Variants in WDR70 observed in about 807,000 individuals in gnomAD.
WDR70 encodes the protein WD repeat domain 70.
A neutral mutation model predicts 88.6 loss-of-function variants in WDR70; 53 were observed. The observed-to-expected ratio is 0.60, with a 90% CI of 0.48 to 0.75. The LOEUF (loss-of-function observed/expected upper bound fraction) is 0.75. WDR70 is among the 30% of genes least tolerant of loss of function. The pLI is 0.00. For synonymous variants in WDR70, 280 were observed against 270.0 expected, an observed-to-expected ratio of 1.04 and a Z score of -0.36; for missense variants, 610 against 823.2, an observed-to-expected ratio of 0.74 and a Z score of 3.17.
rs540991874 is a variant in WDR70, at chr5:37,564,573, G to T, written c.918-40491G>T. ...GGGAGACCGTGGGGAGAGGGAGAGG[G>T]AGAGGAGGGAGAGGGAGAGGAGGGA... On this transcript the variant is annotated intron_variant, in intron 9 of 17. Coordinates refer to ENST00000265107, the MANE Select transcript of WDR70 (RefSeq NM_018034.4). Among the ~76,000 whole-genome samples the T allele has an allele frequency of 1.3e-4, 19 of 147,758 alleles. No homozygotes were observed. In the South Asian group the frequency reaches 4.0e-3, roughly 31 times the overall value.
chr5:37,397,435 C>T lies in WDR70; in HGVS notation c.492+865C>T, dbSNP rs188101888. 9.5e-5 allele frequency among the ~76,000 whole-genome samples: 14 copies of T among 147,602 alleles called. No individual in the cohort carries two copies. In the East Asian group the frequency reaches 1.4e-3, roughly 15 times the overall value. ...AGTGAGCTGAGATTGTGCCATTGCA[C>T]GCCAGCCTGGGCAATAAGAGCAAAA... On this transcript the variant is annotated intron_variant, in intron 5 of 17. Coordinates refer to ENST00000265107, the MANE Select transcript of WDR70 (RefSeq NM_018034.4).
At chr5:37,691,509 G>T (rs1746792828) in intron 10 of WDR70, among the ~76,000 whole-genome samples, 2 of 152,192 alleles carry the variant, frequency 1.3e-5, no homozygotes, top group African/African-American at 4.8e-5. Flanking sequence ...ACAACAAACT[G>T]TCTCTCAGAC....
intron 8 of WDR70, among the ~76,000 whole-genome samples, chr5:37,488,266 A>G (rs1444937976): frequency 6.6e-6 from 1 of 151,708 alleles, no homozygotes; most frequent in Non-Finnish European, 1.5e-5. Context: ...TCTGACTATA[A>G]TGTGCCACTA....
intron 10 of WDR70, among the ~76,000 whole-genome samples, chr5:37,658,019 TA>T (rs1398950504): frequency 6.6e-6 from 1 of 152,136 alleles, no homozygotes; most frequent in African/African-American, 2.4e-5. Context: ...CTTCTTACAG[TA>T]AAGTAAGCTA....
chr5:37,727,776 C>G (rs1032266186), intron 17 of WDR70, among the ~76,000 whole-genome samples: 1 of 152,056 alleles, frequency 6.6e-6, no homozygotes, highest in Non-Finnish European at 1.5e-5. Context: ...GTGTCTCACT[C>G]TGTTGCCCAG....
Position 37,753,273 on chromosome 5 carries a change from T to C in WDR70, c.*700T>C, listed in dbSNP as rs1293300499. The stretch of plus-strand genomic sequence containing the variant: ...GGGACATGCCTCACAGAGCATTTAG[T>C]ACAGTACCTGGAACACAGTAAATGT... On this transcript the variant is annotated 3_prime_UTR_variant, in exon 18 of 18. Transcript: ENST00000265107. The C allele has an allele frequency of 3.9e-5, 6 of 152,218 alleles. No homozygotes were observed. Among genetic ancestry groups the C allele is most frequent in the Non-Finnish European group, 8.8e-5 (6 of 68,040 alleles). The allele number at this position is 152,218 out of a possible 1,614,324, so 9.4% of individuals were successfully genotyped here.
intron 9 of WDR70, among the ~76,000 whole-genome samples, chr5:37,567,325 C>T (rs188953749): frequency 2.0e-5 from 3 of 152,212 alleles, no homozygotes; most frequent in Admixed American, 2.0e-4. Context: ...TAATAGCTCT[C>T]AGAGGAAGAA....
intron 9 of WDR70, among the ~76,000 whole-genome samples, chr5:37,597,492 C>G (rs1268837349): frequency 1.3e-5 from 2 of 152,112 alleles, no homozygotes; most frequent in Non-Finnish European, 2.9e-5. Context: ...GTTTCTCTAA[C>G]TTGATGAAAT....
intron 9 of WDR70, among the ~76,000 whole-genome samples, chr5:37,527,127 A>G (rs533112609): frequency 5.2e-4 from 76 of 145,744 alleles, no homozygotes; most frequent in African/African-American, 2.1e-3. Context: ...TTGGAAAAAA[A>G]CTACTTTTAA....
chr5:37,570,305 G>A (rs1011197120), intron 9 of WDR70, among the ~76,000 whole-genome samples: 1 of 152,072 alleles, frequency 6.6e-6, no homozygotes, highest in African/African-American at 2.4e-5. Flanking sequence ...AGGTGGAGGG[G>A]TATCACAGCA....
chr5:37,556,286 G>A (rs942712428), intron 9 of WDR70, among the ~76,000 whole-genome samples: 6 of 151,966 alleles, frequency 3.9e-5, no homozygotes, highest in African/African-American at 1.2e-4. Context: ...GACCAATTCC[G>A]TGGTAGCTAC....
At chr5:37,612,243 G>A (rs2112489032) in intron 10 of WDR70, among the ~76,000 whole-genome samples, 1 of 152,170 alleles carries the variant, frequency 6.6e-6, no homozygotes, top group African/African-American at 2.4e-5. Flanking sequence ...GAAATTCAAA[G>A]CTTTGTCTCT....
intron 9 of WDR70, among the ~76,000 whole-genome samples, chr5:37,546,691 G>A (rs1213244070): frequency 6.6e-6 from 1 of 152,172 alleles, no homozygotes; most frequent in Non-Finnish European, 1.5e-5. Flanking sequence ...GGCTGAGGCG[G>A]GCGGAGCACC....
chr5:37,502,289 C>T (rs2112222349), intron 8 of WDR70, among the ~76,000 whole-genome samples: 1 of 151,962 alleles, frequency 6.6e-6, no homozygotes, highest in South Asian at 2.1e-4. Flanking sequence ...CCTGATTGCT[C>T]TAGCTAGGAC....
At chr5:37,418,514 G>C (rs1205426893) in intron 5 of WDR70, among the ~76,000 whole-genome samples, 1 of 151,918 alleles carries the variant, frequency 6.6e-6, no homozygotes, top group African/African-American at 2.4e-5. Flanking sequence ...TAGAGACGGG[G>C]TTTCACCGTG....
At chr5:37,449,611 TAAAA>T (rs57161626) in intron 7 of WDR70, among the ~76,000 whole-genome samples, 1 of 54,044 alleles carries the variant, frequency 1.9e-5, no homozygotes, top group Non-Finnish European at 4.7e-5. Flanking sequence ...AAATAAAAAA[TAAAA>T]AATAAATAAA....
At chr5:37,550,201 G>T (rs1239894219) in intron 9 of WDR70, among the ~76,000 whole-genome samples, 3 of 152,098 alleles carry the variant, frequency 2.0e-5, no homozygotes, top group Non-Finnish European at 4.4e-5. Flanking sequence ...TGGTTTTTCA[G>T]CACCAATTGA....
intron 5 of WDR70, among the ~76,000 whole-genome samples, chr5:37,408,486 A>G (rs1749424532): frequency 6.6e-6 from 1 of 152,072 alleles, no homozygotes; most frequent in African/African-American, 2.4e-5. Flanking sequence ...AAAAATTGAA[A>G]AAAGAAGGTA....
intron 10 of WDR70, among the ~76,000 whole-genome samples, chr5:37,614,409 A>T (rs902066604): frequency 6.6e-6 from 1 of 152,202 alleles, no homozygotes; most frequent in Non-Finnish European, 1.5e-5. Flanking sequence ...CATTAAATCA[A>T]TCTGAAACCT....
Sources: gnomAD v4.1 joint callset for allele counts (sites outside exome capture counted in the v4.1 genomes callset) on GRCh38, gnomAD v4.1.1 for gene constraint, MANE v1.5 for transcripts, NCBI Gene and HGNC (gene_info 2026-07-23, HGNC 2026-07-21) for gene names.